The following SIL1 variants were observed in gnomAD, a reference collection of about 807,000 sequenced individuals.
The protein encoded by SIL1 is SIL1 nucleotide exchange factor, also known as nucleotide exchange factor SIL1.
A neutral mutation model predicts 49.1 loss-of-function variants in SIL1; 40 were observed. The ratio of observed to expected loss-of-function variants is 0.81; its 90% CI spans 0.63 to 1.06. The LOEUF is 1.06. SIL1 is among the 50% of genes least tolerant of loss of function. The pLI, the probability that SIL1 is intolerant of heterozygous loss-of-function variation, is 0.00. For synonymous variants in SIL1, 253 were observed against 250.8 expected (o/e 1.01, Z -0.08); for missense variants, 500 against 572.6 (o/e 0.87, Z 1.29).
chr5:139,092,596 G>A (rs1444884498), intron 3 of SIL1, among the ~76,000 whole-genome samples: 2 of 152,094 alleles, frequency 1.3e-5, no homozygotes, highest in South Asian at 4.1e-4. Context: ...TTTGTTCAGA[G>A]AACACCACAG....
At chr5:138,967,304 A>G (rs115940135) in intron 7 of SIL1, among the ~76,000 whole-genome samples, 4,491 of 152,278 alleles carry the variant, frequency 0.029, 203 homozygotes, top group African/African-American at 0.097. Flanking sequence ...AATCAGAACC[A>G]TTAGGGGAGG....
intron 1 of SIL1, among the ~76,000 whole-genome samples, chr5:139,135,267 C>CT (rs774945373): frequency 2.5e-4 from 38 of 152,260 alleles, no homozygotes; most frequent in Non-Finnish European, 4.4e-4. Context: ...GGGATAATAT[C>CT]TCCCCTATGT....
intron 7 of SIL1, among the ~76,000 whole-genome samples, chr5:138,993,131 G>C (rs1767792458): frequency 6.6e-6 from 1 of 152,156 alleles, no homozygotes; most frequent in African/African-American, 2.4e-5. Context: ...TTGGCCAACA[G>C]ATTATAAGCA....
intron 6 of SIL1, 46 bp from the exon 7 acceptor site, chr5:139,021,338 G>A (rs775671359): frequency 1.2e-6 from 2 of 1,610,946 alleles, no homozygotes; most frequent in South Asian, 1.1e-5. Context: ...TCAGGGACAG[G>A]AAAGCTGTTC....
At chr5:139,187,237 G>A (rs943200186) in intron 1 of SIL1, among the ~76,000 whole-genome samples, 9 of 152,214 alleles carry the variant, frequency 5.9e-5, no homozygotes, top group African/African-American at 1.2e-4. Context: ...GTAGGGAACC[G>A]GCTGGGTGCA....
At chr5:139,174,937 CAAAAAAAAAAAAA>C (rs56959325) in intron 1 of SIL1, among the ~76,000 whole-genome samples, 2 of 59,850 alleles carry the variant, frequency 3.3e-5, no homozygotes, top group African/African-American at 1.6e-4. Flanking sequence ...GACTGTGTCT[CAAAAAAAAAAAAA>C]AAAAAAAAAA....
intron 2 of SIL1, among the ~76,000 whole-genome samples, chr5:139,121,972 C>T (rs1269662453): frequency 3.9e-5 from 6 of 152,068 alleles, no homozygotes; most frequent in Admixed American, 2.0e-4. Flanking sequence ...TTTTTAAACC[C>T]GTTCTTGCAA....
intron 7 of SIL1, among the ~76,000 whole-genome samples, chr5:138,986,879 C>G (rs1767659544): frequency 6.6e-6 from 1 of 152,102 alleles, no homozygotes; most frequent in African/African-American, 2.4e-5. Flanking sequence ...CTTCAAACTT[C>G]TTGACATTGT....
chr5:139,052,483 G>A (rs1175530019), intron 3 of SIL1, among the ~76,000 whole-genome samples: 2 of 152,114 alleles, frequency 1.3e-5, no homozygotes, highest in South Asian at 2.1e-4. Context: ...TCAGGAGTTC[G>A]AGACCAGCCT....
At chr5:139,162,766 C>T (rs1751539250) in intron 1 of SIL1, among the ~76,000 whole-genome samples, 1 of 152,156 alleles carries the variant, frequency 6.6e-6, no homozygotes, top group South Asian at 2.1e-4. Context: ...GGGAATACAG[C>T]TGTGAATGTG....
intron 1 of SIL1, among the ~76,000 whole-genome samples, chr5:139,130,107 T>TA (rs1750831524): frequency 1.3e-5 from 2 of 152,088 alleles, no homozygotes; most frequent in East Asian, 1.9e-4. Context: ...ACCTCTTCTC[T>TA]AAAAAAACAA....
intron 3 of SIL1, among the ~76,000 whole-genome samples, chr5:139,095,513 T>C (rs1770439714): frequency 6.6e-6 from 1 of 152,218 alleles, no homozygotes; most frequent in Admixed American, 6.5e-5. Context: ...CCACTTGCCT[T>C]GGCCTCTCAA....
At chr5:139,096,475 C>T (rs539598906) in intron 3 of SIL1, among the ~76,000 whole-genome samples, 3 of 152,000 alleles carry the variant, frequency 2.0e-5, no homozygotes, top group Non-Finnish European at 2.9e-5. Context: ...CTAGCCAAGG[C>T]GCCTAAGGGA....
intron 3 of SIL1, among the ~76,000 whole-genome samples, chr5:139,101,265 A>G (rs1043410523): frequency 4.6e-5 from 7 of 151,968 alleles, no homozygotes; most frequent in African/African-American, 1.7e-4. Flanking sequence ...TACTGCCACT[A>G]CCTCTTTGCA....
chr5:139,070,217 T>C (rs1329542722), intron 3 of SIL1, among the ~76,000 whole-genome samples: 2 of 152,232 alleles, frequency 1.3e-5, no homozygotes, highest in Middle Eastern at 3.4e-3. Context: ...TCTGAAACTG[T>C]TGCATGTACA....
chr5:138,956,676 G>A (rs1282100464), intron 7 of SIL1, among the ~76,000 whole-genome samples: 1 of 151,428 alleles, frequency 6.6e-6, no homozygotes, highest in Non-Finnish European at 1.5e-5. Context: ...CCAGGAGGTA[G>A]AGGTTTCAGT....
chr5:139,109,340 T>C (rs755889635), intron 3 of SIL1, among the ~76,000 whole-genome samples: 5 of 152,188 alleles, frequency 3.3e-5, no homozygotes, highest in Non-Finnish European at 7.3e-5. Context: ...CAGGGCTGCT[T>C]ACTCTGCTGT....
intron 7 of SIL1, among the ~76,000 whole-genome samples, chr5:138,967,908 AGGCTCTGGTGGGAAAAGCTCAGCTAAG>A (rs1202448362): frequency 6.6e-6 from 1 of 152,152 alleles, no homozygotes; most frequent in African/African-American, 2.4e-5. Flanking sequence ...AAGTCACCAG[AGGCTCTGGTGGGAAAAGCTCAGCTAAG>A]GAGGCCACGC....
At position 138,947,369 on chromosome 5, in the gene SIL1, C is replaced by A. The variant is rs1241467365; in HGVS notation, c.1134G>T (p.Trp378Cys). Residue 378 changes from tryptophan (W) to cysteine (C), a missense_variant, in exon 10 of 10, where the codon TGG becomes TGT. Physicochemically the swap from Trp to Cys is radical, Grantham distance 215. Transcript: ENST00000394817. The surrounding 1 kb of genome is among the most constrained non-coding windows in gnomAD (Gnocchi z 4.1). Reference sequence around the variant, plus strand: ...CCAGGAGGTGGGCCGTGATCTCGCACCAGCCCTGTTCCCACAGGCCTGGCA... The same window carrying A: ...CCAGGAGGTGGGCCGTGATCTCGCAACAGCCCTGTTCCCACAGGCCTGGCA... ...HLLPGLWEQGWCEITAHLLAL... is the reference protein window; with the variant it reads ...HLLPGLWEQGCCEITAHLLAL... 1.2e-6 allele frequency: 2 copies of A among 1,613,740 alleles called. No homozygotes were observed. Among genetic ancestry groups the A allele is most frequent in the Non-Finnish European group, 1.7e-6 (2 of 1,180,038 alleles).
Sources: gnomAD v4.1 joint callset for allele counts (sites outside exome capture counted in the v4.1 genomes callset) on GRCh38, gnomAD v4.1.1 for gene constraint, Gnocchi (gnomAD v3.1) non-coding constraint, MANE v1.5 for transcripts, NCBI Gene and HGNC (gene_info 2026-07-23, HGNC 2026-07-21) for gene names.